SPAG9: variants seen among roughly 807,000 people sequenced by gnomAD.
The protein encoded by SPAG9 is C-Jun-amino-terminal kinase-interacting protein 4.
In SPAG9, 35 loss-of-function variants were observed where a neutral mutation model predicts 166.5. That is an observed-to-expected ratio of 0.21 (90% confidence interval 0.16 to 0.28). SPAG9 has a LOEUF of 0.28. Among genes scored for constraint, SPAG9 ranks in the 10% least tolerant of loss-of-function variants. The pLI is 1.00. For synonymous variants in SPAG9, 534 were observed against 565.5 expected (o/e 0.94, Z 0.79); for missense variants, 1,235 against 1,603.3 (o/e 0.77, Z 3.92).
chr17:50,992,231 T>TTTTATGAATG (rs1285591625), intron 19 of SPAG9, among the ~76,000 whole-genome samples: 1 of 152,060 alleles, frequency 6.6e-6, no homozygotes, highest in South Asian at 2.1e-4. Flanking sequence ...AACTCTATGT[T>TTTTATGAATG]TTTATGAATG....
intron 6 of SPAG9, among the ~76,000 whole-genome samples, chr17:51,022,104 C>T (rs1304897746): frequency 1.5e-5 from 2 of 130,176 alleles, no homozygotes; most frequent in Non-Finnish European, 3.1e-5. Context: ...ACCTCAGCAA[C>T]GGAGCTAGAC....
chr17:51,025,187 C>T (rs2046106630), intron 6 of SPAG9, among the ~76,000 whole-genome samples: 1 of 150,806 alleles, frequency 6.6e-6, no homozygotes, highest in Non-Finnish European at 1.5e-5. Flanking sequence ...GGCATGGTGG[C>T]ACATGCCTGT....
chr17:51,054,187 G>A (rs1050887566), intron 3 of SPAG9, among the ~76,000 whole-genome samples: 3 of 138,998 alleles, frequency 2.2e-5, no homozygotes, highest in Admixed American at 7.9e-5. Context: ...CACAATATTG[G>A]CTCACTGTAT....
At chr17:51,052,039 A>G (rs953019735) in intron 3 of SPAG9, among the ~76,000 whole-genome samples, 20 of 152,220 alleles carry the variant, frequency 1.3e-4, no homozygotes, top group Admixed American at 1.3e-3. Flanking sequence ...AGTAATGTAT[A>G]CAAAAATTTG....
At chr17:51,013,469 C>A (rs544568249) in intron 9 of SPAG9, among the ~76,000 whole-genome samples, 13 of 152,252 alleles carry the variant, frequency 8.5e-5, no homozygotes, top group African/African-American at 2.9e-4. Context: ...TGTTGGTAGG[C>A]AAAGGCAACC....
intron 8 of SPAG9, among the ~76,000 whole-genome samples, chr17:51,016,620 A>T (rs1598000255): frequency 6.6e-6 from 1 of 152,264 alleles, no homozygotes; most frequent in East Asian, 1.9e-4. Context: ...TGTAAAAGAA[A>T]TGAAATGGGC....
chr17:50,972,056 T>C (rs1418461742), intron 28 of SPAG9, among the ~76,000 whole-genome samples: 2 of 152,176 alleles, frequency 1.3e-5, no homozygotes, highest in African/African-American at 2.4e-5. Context: ...CATGAGACAC[T>C]GTGCCTGGTC....
chr17:50,990,522 C>T lies in SPAG9; in HGVS notation c.2545G>A (p.Ala849Thr). ...LGGITVVGCS[A>T]EGVTGAATSP... The stretch of plus-strand genomic sequence containing the variant: ...GTGGCAGCTCCCGTCACACCTTCTG[C>T]AGAACAACCAACCACTGTGATGCCT... The change falls in exon 20 of 30, where the codon GCA becomes ACA. Residue 849 changes from alanine to threonine, a missense_variant. Ala to Thr is a moderately conservative substitution (Grantham distance 58). Around this residue, in one of 6 missense-constraint regions of SPAG9, gnomAD observed 493 missense variants for 559.4 expected, o/e 0.88. Coordinates refer to ENST00000262013, the MANE Select transcript of SPAG9 (RefSeq NM_001130528.3). The T allele has an allele frequency of 6.2e-7, 1 of 1,614,224 alleles. No homozygotes were observed. Among genetic ancestry groups the T allele is most frequent in the Non-Finnish European group, 8.5e-7 (1 of 1,180,032 alleles).
At chr17:51,112,370 C>CAAAAAAAAAAAAAAAA (rs767699831) in intron 1 of SPAG9, among the ~76,000 whole-genome samples, 1 of 38,564 alleles carries the variant, frequency 2.6e-5, no homozygotes, top group Admixed American at 2.8e-4. Context: ...CCCATCTCTA[C>CAAAAAAAAAAAAAAAA]AAAAAAAAAA....
chr17:50,996,742 G>C, intron 15 of SPAG9, 48 bp from the exon 16 acceptor site: 1 of 1,589,020 alleles, frequency 6.3e-7, no homozygotes, highest in Non-Finnish European at 8.6e-7. Flanking sequence ...GTTTAATTAC[G>C]TTTATCCCCA....
At chr17:51,080,233 T>G (rs2048121880) in intron 1 of SPAG9, among the ~76,000 whole-genome samples, 1 of 152,060 alleles carries the variant, frequency 6.6e-6, no homozygotes, top group South Asian at 2.1e-4. Context: ...TCATTAAATC[T>G]CAGTCTTCAT....
intron 2 of SPAG9, among the ~76,000 whole-genome samples, chr17:51,062,108 T>C (rs886658987): frequency 6.6e-6 from 1 of 152,216 alleles, no homozygotes; most frequent in Non-Finnish European, 1.5e-5. Flanking sequence ...CCCTTTTAAT[T>C]TTTAATAGAC....
At chr17:51,115,330 AG>A (rs2049253429) in intron 1 of SPAG9, among the ~76,000 whole-genome samples, 1 of 151,896 alleles carries the variant, frequency 6.6e-6, no homozygotes, top group Non-Finnish European at 1.5e-5. Flanking sequence ...CTAGGACTAC[AG>A]GCTCACACCA....
intron 5 of SPAG9, among the ~76,000 whole-genome samples, chr17:51,035,786 T>C (rs1445409391): frequency 6.6e-6 from 1 of 152,232 alleles, no homozygotes; most frequent in Non-Finnish European, 1.5e-5. Context: ...TAGTTAAAAT[T>C]GCTTTTCTCA....
At position 50,987,177 on chromosome 17, in the gene SPAG9, C is replaced by T; in HGVS notation, c.2874G>A (p.Val958=). Residue 958 remains valine, a synonymous_variant, in exon 22 of 30, where the codon GTG becomes GTA. Coordinates refer to ENST00000262013, the MANE Select transcript of SPAG9 (RefSeq NM_001130528.3). ...ISVLPNEQDL[V]REEAQKMSSL... is the part of the protein sequence containing the mutation. ...TACTCATTTTCTGGGCTTCTTCTCT[C>T]ACCAAGTCTTGTTCATTTGGCAGTA... 1 of 1,613,540 alleles carries T rather than the reference C, an allele frequency of 6.2e-7. No homozygotes were observed. Among genetic ancestry groups the T allele is most frequent in the Non-Finnish European group, 8.5e-7 (1 of 1,179,736 alleles).
rs112947211 is a variant in SPAG9, at chr17:50,970,765, C to T, written c.3792G>A (p.Thr1264=). Residue 1264 remains threonine (T), a synonymous_variant, in exon 29 of 30, where the codon ACG becomes ACA. Coordinates refer to ENST00000262013, the MANE Select transcript of SPAG9 (RefSeq NM_001130528.3). ...GPSAQEPGSQ[T]PLKSMLVISG... The stretch of plus-strand genomic sequence containing the variant: ...TGATGACAAGCATAGACTTCAAGGG[C>T]GTCTGACTACCAGGCTCCTGTGCAG... 3.6e-5 allele frequency: 58 copies of T among 1,614,072 alleles called. No individual in the cohort carries two copies. In the African/African-American group the frequency reaches 6.0e-4, roughly 17 times the overall value.
intron 24 of SPAG9, among the ~76,000 whole-genome samples, chr17:50,982,918 C>T (rs1201035212): frequency 6.6e-6 from 1 of 152,132 alleles, no homozygotes; most frequent in East Asian, 1.9e-4. Flanking sequence ...AAAACATGCT[C>T]ACAAAAGCAG....
intron 3 of SPAG9, among the ~76,000 whole-genome samples, chr17:51,053,502 C>G: frequency 6.6e-6 from 1 of 151,962 alleles, no homozygotes; most frequent in South Asian, 2.1e-4. Context: ...CTGACCAACA[C>G]GGGAAAACCC....
rs889153005 is a variant in SPAG9, at chr17:51,040,101, G to A, written c.741+1400C>T. Reference sequence around the variant, plus strand: ...AATACAAAAATTAGCCAGGTGTGGTGGTGGGTGCTGTAATCCCAGCTACTT... The same window carrying A: ...AATACAAAAATTAGCCAGGTGTGGTAGTGGGTGCTGTAATCCCAGCTACTT... On this transcript the variant is annotated intron_variant, in intron 5 of 29. Coordinates refer to ENST00000262013, the MANE Select transcript of SPAG9 (RefSeq NM_001130528.3). Among the ~76,000 whole-genome samples the A allele has an allele frequency of 2.6e-5, 4 of 152,116 alleles. No individual in the cohort carries two copies. The East Asian group carries it at 7.7e-4, about 29-fold the overall frequency.
Sources: allele counts gnomAD v4.1 joint callset (sites outside exome capture counted in the v4.1 genomes callset), GRCh38; gene constraint gnomAD v4.1.1; regional missense constraint gnomAD v4.1.1; transcripts MANE v1.5; gene names NCBI Gene and HGNC (gene_info 2026-07-23, HGNC 2026-07-21).